SOD2: variants seen among roughly 807,000 people sequenced by gnomAD.
SOD2 encodes superoxide dismutase [Mn], mitochondrial.
SOD2 carries 11 observed loss-of-function variants against 27.0 expected under a neutral mutation model. The ratio of observed to expected loss-of-function variants is 0.41; its 90% CI spans 0.26 to 0.67. The LOEUF (loss-of-function observed/expected upper bound fraction) is 0.67, where lower values mean the gene tolerates loss of function less well. Ranked by LOEUF, SOD2 falls within the 30% of genes least tolerant of loss-of-function variation. The pLI is 0.34. For synonymous variants in SOD2, 105 were observed against 103.0 expected, an observed-to-expected ratio of 1.02 and a Z score of -0.12; for missense variants, 250 against 274.5, an observed-to-expected ratio of 0.91 and a Z score of 0.63.
chr6:159,746,919 T>C (rs1779610838), upstream of SOD2, among the ~76,000 whole-genome samples: 1 of 152,206 alleles, frequency 6.6e-6, no homozygotes, highest in Non-Finnish European at 1.5e-5. Context: ...TCTCAGTCAG[T>C]GCTGTAGACT....
intron 1 of SOD2, chr6:159,755,460 A>ACT: frequency 6.2e-7 from 1 of 1,613,680 alleles, no homozygotes; most frequent in Non-Finnish European, 8.5e-7. Context: ...GGCAGTGAAA[A>ACT]CTCTCTCACA....
upstream of SOD2, among the ~76,000 whole-genome samples, chr6:159,697,077 ACACG>A (rs1554260125): frequency 5.3e-5 from 8 of 149,648 alleles, no homozygotes; most frequent in Middle Eastern, 3.4e-3. Context: ...ACACACACAC[ACACG>A]CAGTCAGCTA....
chr6:159,679,437 T>C lies in SOD2; in HGVS notation c.*3056A>G, dbSNP rs1779855978. On this transcript the variant is annotated 3_prime_UTR_variant, in exon 5 of 5. Transcript: ENST00000538183. ...GATATGACTCAATATACATAGATTT[T>C]AACTTTATGGTTTGGTATTACTTTT... 6.6e-6 allele frequency: 1 copy of C among 152,260 alleles called. No individual in the cohort carries two copies. The highest frequency in any genetic ancestry group is 6.5e-5 in the Admixed American group (1 of 15,286). The allele number at this position is 152,260 out of a possible 1,614,324, so 9.4% of individuals were successfully genotyped here.
chr6:159,749,107 T>C, upstream of SOD2: 1 of 986,528 alleles, frequency 1.0e-6, no homozygotes, highest in Non-Finnish European at 1.2e-6. Flanking sequence ...GGTTTGTTCT[T>C]TGAATGGTTG....
intron 1 of SOD2, among the ~76,000 whole-genome samples, chr6:159,752,677 T>A (rs1278166774): frequency 3.9e-5 from 6 of 152,212 alleles, no homozygotes; most frequent in Admixed American, 3.9e-4. Flanking sequence ...AAACCTTAAC[T>A]GCTGAATGTG....
At chr6:159,736,323 G>A in intron 1 of SOD2, 1 of 1,582,648 alleles carries the variant, frequency 6.3e-7, no homozygotes, top group Non-Finnish European at 8.6e-7. Context: ...GGGTTTTTTT[G>A]TTTTGTTTTG....
chr6:159,760,148 AGG>A (rs1175800966), intron 1 of SOD2: 7 of 152,348 alleles, frequency 4.6e-5, no homozygotes, highest in Admixed American at 2.6e-4. Context: ...AGTGATGTTT[AGG>A]GGGAGTTTCA....
intron 1 of SOD2, chr6:159,713,012 C>A: frequency 1.6e-6 from 1 of 638,094 alleles, no homozygotes. Flanking sequence ...AACATCTGCC[C>A]TACCAGTAAA....
intron 1 of SOD2, chr6:159,742,138 A>C: frequency 3.1e-6 from 5 of 1,605,240 alleles, no homozygotes; most frequent in Non-Finnish European, 4.2e-6. Context: ...AAGTACACAG[A>C]TCTTAACTGT....
chr6:159,677,055 A>G lies in SOD2; in HGVS notation c.*5438T>C. ...TGGGGATACCCATATTTACAATATG[A>G]TAAATACATTAAGTCACATTGTTTA... is the stretch of plus-strand genomic sequence containing the variant. On this transcript the variant is annotated 3_prime_UTR_variant, in exon 5 of 5. Transcript: ENST00000538183. 1 of 152,346 alleles carries G rather than the reference A, an allele frequency of 6.6e-6. No individual in the cohort carries two copies. Among genetic ancestry groups the G allele is most frequent in the South Asian group, 2.1e-4 (1 of 4,832 alleles). 9.4% of individuals were successfully genotyped at this position (152,346 alleles called of 1,614,324 possible). A position where few individuals can be genotyped will look rare whatever the true frequency, so the allele number is the denominator to read the frequency against.
chr6:159,760,559 A>C (rs1780102636), intron 1 of SOD2: 1 of 152,266 alleles, frequency 6.6e-6, no homozygotes, highest in African/African-American at 2.4e-5. Flanking sequence ...GTGTGAGCCA[A>C]GGTGCCCGAC....
At chr6:159,727,199 G>C (rs1337856766) in exon 1 of SOD2, 1 of 1,237,046 alleles carries the variant, frequency 8.1e-7, no homozygotes, top group Non-Finnish European at 1.0e-6. Context: ...AGTGTTACCG[G>C]GGAGCAGCTG....
intron 3 of SOD2, among the ~76,000 whole-genome samples, chr6:159,687,702 C>A (rs1780256172): frequency 6.6e-6 from 1 of 152,012 alleles, no homozygotes; most frequent in South Asian, 2.1e-4. Context: ...CACTATGATA[C>A]CTCTGGTAAG....
intron 1 of SOD2, among the ~76,000 whole-genome samples, chr6:159,740,353 T>G (rs1455518922): frequency 1.3e-5 from 2 of 152,234 alleles, no homozygotes; most frequent in Non-Finnish European, 2.9e-5. Context: ...TTGAGGTCAG[T>G]TTAACATCTT....
chr6:159,728,648 C>T (rs1054395169), upstream of SOD2, among the ~76,000 whole-genome samples: 15 of 152,016 alleles, frequency 9.9e-5, no homozygotes, highest in African/African-American at 3.4e-4. Context: ...CATTTAAAAC[C>T]GTAATTTAAA....
intron 1 of SOD2, among the ~76,000 whole-genome samples, chr6:159,759,819 C>G (rs1780086583): frequency 6.6e-6 from 1 of 152,202 alleles, no homozygotes; most frequent in Non-Finnish European, 1.5e-5. Flanking sequence ...CATGCAATTA[C>G]CTTCTCAAGA....
At chr6:159,701,874 A>T (rs1360988873) in intron 1 of SOD2, among the ~76,000 whole-genome samples, 1 of 152,152 alleles carries the variant, frequency 6.6e-6, no homozygotes, top group East Asian at 1.9e-4. Context: ...ACCTGTGCTC[A>T]TTCCCCTTCT....
At chr6:159,734,375 C>CAAA (rs67668924) in intron 1 of SOD2, among the ~76,000 whole-genome samples, 9 of 130,772 alleles carry the variant, frequency 6.9e-5, no homozygotes, top group Non-Finnish European at 1.3e-4. Context: ...GACTCCATCT[C>CAAA]AAAAAAAAAA....
intron 1 of SOD2, chr6:159,736,308 G>A (rs763710119): frequency 6.2e-7 from 1 of 1,600,192 alleles, no homozygotes; most frequent in Non-Finnish European, 8.5e-7. Flanking sequence ...ATGGGTTTTG[G>A]TTTTGGGTTT....
Sources: allele counts gnomAD v4.1 joint callset (sites outside exome capture counted in the v4.1 genomes callset), GRCh38; gene constraint gnomAD v4.1.1; transcripts MANE v1.5; gene names NCBI Gene and HGNC (gene_info 2026-07-23, HGNC 2026-07-21).